ITGB2: variants seen among roughly 807,000 people sequenced by gnomAD.
ITGB2 encodes integrin subunit beta 2.
A neutral mutation model predicts 86.8 loss-of-function variants in ITGB2; 56 were observed. That is an observed-to-expected ratio of 0.65 (90% CI 0.52 to 0.81). ITGB2 has a LOEUF of 0.81. Among genes scored for constraint, ITGB2 ranks in the 30% least tolerant of loss-of-function variants. The probability of loss-of-function intolerance (pLI) is 0.00; values close to 1 mark genes in which losing one functional copy is unlikely to be tolerated. For synonymous variants in ITGB2, 457 were observed against 450.4 expected (o/e 1.01, Z -0.19); for missense variants, 948 against 1,061.2 (o/e 0.89, Z 1.48).
At chr21:44,903,876 C>T (rs912238625) in intron 4 of ITGB2, among the ~76,000 whole-genome samples, 7 of 152,140 alleles carry the variant, frequency 4.6e-5, no homozygotes, top group African/African-American at 1.7e-4. Context: ...TAACCCGGCC[C>T]CATGCCTGCA....
intron 1 of ITGB2, among the ~76,000 whole-genome samples, chr21:44,918,822 G>C (rs1286580387): frequency 1.3e-5 from 2 of 152,216 alleles, no homozygotes; most frequent in Non-Finnish European, 2.9e-5. Flanking sequence ...TGCCTGGGCA[G>C]TGTTTGGATC....
chr21:44,890,228 G>A lies in ITGB2; in HGVS notation c.1413-6C>T, dbSNP rs905822395. On this transcript the variant is annotated splice_region_variant and splice_polypyrimidine_tract_variant and intron_variant, in intron 11 of 15. Transcript: ENST00000652462. The stretch of plus-strand genomic sequence containing the variant: ...CAATGTAGCCAGTGTCACACCTGGG[G>A]ACAGGAGGGGCCCCAAGGTCAGGCT... 9 of 1,612,962 alleles carry A rather than the reference G, an allele frequency of 5.6e-6. No individual in the cohort carries two copies. Among genetic ancestry groups the A allele is most frequent in the South Asian group, 2.2e-5 (2 of 91,080 alleles).
intron 7 of ITGB2, among the ~76,000 whole-genome samples, chr21:44,899,622 A>G (rs1034382974): frequency 3.3e-5 from 5 of 152,190 alleles, no homozygotes; most frequent in African/African-American, 1.2e-4. Context: ...CGGCCCCCAG[A>G]GCCTACAACG....
chr21:44,911,661 G>T (rs1471808759), intron 1 of ITGB2, among the ~76,000 whole-genome samples: 1 of 152,218 alleles, frequency 6.6e-6, no homozygotes, highest in African/African-American at 2.4e-5. Flanking sequence ...CCGGGGTCCT[G>T]CCCTTTTGTT....
At chr21:44,887,227 C>T (rs576629910) in intron 14 of ITGB2, among the ~76,000 whole-genome samples, 8 of 152,292 alleles carry the variant, frequency 5.3e-5, no homozygotes, top group South Asian at 4.1e-4. Context: ...CGAGGGACCC[C>T]GCTCTCCTAC....
intron 3 of ITGB2, 56 bp downstream of exon 3, chr21:44,910,228 G>T (rs984589033): frequency 5.6e-6 from 9 of 1,593,980 alleles, no homozygotes; most frequent in Middle Eastern, 1.8e-4. Flanking sequence ...TCAGGGGCAG[G>T]AAAGGGCCCT....
intron 1 of ITGB2, among the ~76,000 whole-genome samples, chr21:44,915,519 C>A (rs1322741325): frequency 6.6e-6 from 1 of 152,164 alleles, no homozygotes; most frequent in Non-Finnish European, 1.5e-5. Flanking sequence ...ACGATGCCGC[C>A]AGGGGACAAG....
At chr21:44,897,287 C>T (rs1025278570) in intron 8 of ITGB2, among the ~76,000 whole-genome samples, 4 of 152,252 alleles carry the variant, frequency 2.6e-5, no homozygotes, top group African/African-American at 9.6e-5. Flanking sequence ...TTTACAAAAG[C>T]AGCGGCCCTC....
intron 1 of ITGB2, among the ~76,000 whole-genome samples, chr21:44,917,832 T>G (rs186121718): frequency 6.6e-6 from 1 of 152,270 alleles, no homozygotes; most frequent in Admixed American, 6.5e-5. Flanking sequence ...CAGGAAGGTG[T>G]TCCCCTGGGG....
At chr21:44,910,457 A>G in intron 2 of ITGB2, 85 bp from the exon 3 acceptor site, 1 of 1,599,606 alleles carries the variant, frequency 6.3e-7, no homozygotes, top group Non-Finnish European at 8.5e-7. Flanking sequence ...AGGTCAGAGG[A>G]GGCCCAAAAA....
chr21:44,890,044 C>T lies in ITGB2; in HGVS notation c.1591G>A (p.Gly531Arg). ...ATGGTGTCACACTCGCAGTACTGCC[C>T]GTATATCAGCTTGCCGGGGACGTCG... ...TSDVPGKLIY[G>R]QYCECDTINC... Residue 531 changes from glycine (G) to arginine (R), a missense_variant, in exon 12 of 16, where the codon GGG becomes AGG. By Grantham distance (125) the Gly-to-Arg change is moderately radical. Transcript: ENST00000652462. The T allele has an allele frequency of 6.2e-7, 1 of 1,613,510 alleles. No homozygotes were observed. Among genetic ancestry groups the T allele is most frequent in the Non-Finnish European group, 8.5e-7 (1 of 1,180,024 alleles).
intron 10 of ITGB2, 177 bp downstream of exon 10, chr21:44,893,227 G>T: frequency 1.5e-6 from 1 of 675,826 alleles, no homozygotes; most frequent in South Asian, 1.7e-5. Flanking sequence ...CTCCCAGACA[G>T]CCTCTGATGC....
chr21:44,910,690 C>A, intron 2 of ITGB2, 35 bp downstream of exon 2: 1 of 1,606,930 alleles, frequency 6.2e-7, no homozygotes, highest in South Asian at 1.1e-5. Flanking sequence ...TGGAATGTCA[C>A]GCGTGGAGTC....
chr21:44,899,358 A>G (rs1252782118), intron 7 of ITGB2, among the ~76,000 whole-genome samples, 196 bp from the exon 8 acceptor site: 1 of 152,172 alleles, frequency 6.6e-6, no homozygotes, highest in Non-Finnish European at 1.5e-5. Flanking sequence ...GTGTGCATAG[A>G]CTCGGGCTTT....
intron 1 of ITGB2, among the ~76,000 whole-genome samples, chr21:44,912,724 T>C (rs144565827): frequency 3.3e-5 from 5 of 152,132 alleles, no homozygotes; most frequent in African/African-American, 1.2e-4. Context: ...CTGACCTCGG[T>C]GCCACGAGTG....
chr21:44,909,930 G>A (rs112883770), intron 3 of ITGB2, among the ~76,000 whole-genome samples: 556 of 152,340 alleles, frequency 3.6e-3, no homozygotes, highest in Middle Eastern at 0.017. Context: ...GCGTGCTGGC[G>A]ATGCGGGGCC....
At chr21:44,907,633 C>T (rs189227709) in intron 3 of ITGB2, among the ~76,000 whole-genome samples, 3 of 152,382 alleles carry the variant, frequency 2.0e-5, no homozygotes, top group Admixed American at 1.3e-4. Context: ...CCTGCAAATC[C>T]CCTGGATTCT....
rs1277082416 is a variant in ITGB2 at position 44,893,698 on chromosome 21, A to G, written c.1084-154T>C. 4.9e-6 allele frequency: 5 copies of G among 1,019,520 alleles called. No individual in the cohort carries two copies. In the East Asian group the frequency reaches 1.3e-4, roughly 27 times the overall value. 63.2% of individuals were successfully genotyped at this position (1,019,520 alleles called of 1,614,324 possible). ...GAGGAGAGCACAGCAGGATGTGCTGAGGATGGCAGGGCTGCCAGGGCCACA... is the reference window on the plus strand; with the variant it reads ...GAGGAGAGCACAGCAGGATGTGCTGGGGATGGCAGGGCTGCCAGGGCCACA... On this transcript the variant is annotated intron_variant, in intron 9 of 15. Transcript: ENST00000652462.
chr21:44,895,879 A>T (rs1483253072), intron 8 of ITGB2, among the ~76,000 whole-genome samples: 3,316 of 144,690 alleles, frequency 0.023, 48 homozygotes, highest in South Asian at 0.035. Flanking sequence ...ATGAAATAAA[A>T]AAATAAATAA....
Sources: allele counts gnomAD v4.1 joint callset (sites outside exome capture counted in the v4.1 genomes callset), GRCh38; gene constraint gnomAD v4.1.1; transcripts MANE v1.5; gene names NCBI Gene and HGNC (gene_info 2026-07-23, HGNC 2026-07-21).